PCSK6: variants seen among roughly 807,000 people sequenced by gnomAD.
The protein encoded by PCSK6 is proprotein convertase subtilisin/kexin type 6, also known as paired basic amino acid cleaving enzyme 4.
A neutral mutation model predicts 123.3 loss-of-function variants in PCSK6; 85 were observed. The ratio of observed to expected loss-of-function variants is 0.69; its 90% confidence interval spans 0.58 to 0.83. The LOEUF (loss-of-function observed/expected upper bound fraction) is 0.83, where lower values mean the gene tolerates loss of function less well. Among genes scored for constraint, PCSK6 ranks in the 40% least tolerant of loss-of-function variants. The pLI, the probability that PCSK6 is intolerant of heterozygous loss-of-function variation, is 0.00. For missense variants in PCSK6, 1,191 were observed against 1,282.3 expected (o/e 0.93, Z 1.09); for synonymous variants, 508 against 516.0 (o/e 0.98, Z 0.21).
At chr15:101,412,153 A>G (rs1408035499) in intron 6 of PCSK6, among the ~76,000 whole-genome samples, 1 of 152,206 alleles carries the variant, frequency 6.6e-6, no homozygotes, top group Non-Finnish European at 1.5e-5. Flanking sequence ...GACAATAATG[A>G]AATGGTACCC....
intron 1 of PCSK6, among the ~76,000 whole-genome samples, chr15:101,445,942 C>T (rs1439819210): frequency 6.6e-6 from 1 of 152,228 alleles, no homozygotes; most frequent in African/African-American, 2.4e-5. Flanking sequence ...AAGGCCAGTC[C>T]CAAAGCCATC....
At chr15:101,362,898 C>T (rs2041275698) in intron 13 of PCSK6, among the ~76,000 whole-genome samples, 1 of 152,226 alleles carries the variant, frequency 6.6e-6, no homozygotes, top group Admixed American at 6.5e-5. Context: ...ACCATAGACC[C>T]TGGCTTTAAC....
chr15:101,489,502 G>A lies in PCSK6; in HGVS notation c.169C>T (p.Leu57=), dbSNP rs1445381872. 3.8e-6 allele frequency: 4 copies of A among 1,054,220 alleles called. No individual in the cohort carries two copies. The highest frequency in any genetic ancestry group is 1.7e-5 in the African/African-American group (1 of 57,874). 65.3% of individuals were successfully genotyped at this position (1,054,220 alleles called of 1,614,324 possible). Residue 57 remains leucine, a synonymous_variant, in exon 1 of 22, where the codon CTG becomes TTG. Coordinates refer to ENST00000611716, the MANE Select transcript of PCSK6 (RefSeq NM_002570.5). ...RPWRWLLLLA[L]PAACSAPPPR... ...GGGGGCGCGGAGCAGGCGGCAGGCA[G>A]CGCCAGCAGCAGCAGCCAGCGCCAG...
At chr15:101,307,368 T>C in intron 20 of PCSK6, 43 bp from the exon 21 acceptor site, 1 of 1,436,020 alleles carries the variant, frequency 7.0e-7, no homozygotes, top group Non-Finnish European at 9.7e-7. Flanking sequence ...GGGAAGAGGC[T>C]CCACCACTCC....
chr15:101,443,635 T>C lies in PCSK6; in HGVS notation c.323A>G (p.His108Arg). 1 of 1,613,792 alleles carries C rather than the reference T, an allele frequency of 6.2e-7. No individual in the cohort carries two copies. Among genetic ancestry groups the C allele is most frequent in the East Asian group, 2.2e-5 (1 of 44,882 alleles). Residue 108 changes from histidine to arginine, a missense_variant, in exon 2 of 22, where the codon CAT becomes CGT. Transcript: ENST00000611716. ...GQIGNLEDYY[H>R]FYHSKTFKRS... ...TTTAAAGGTTTTGCTGTGATAAAAA[T>C]GGTAGTAATCTTCCAGGTTTCCAAT...
intron 13 of PCSK6, among the ~76,000 whole-genome samples, chr15:101,344,914 C>T (rs1259317559): frequency 2.0e-5 from 3 of 152,070 alleles, no homozygotes; most frequent in African/African-American, 7.2e-5. Flanking sequence ...CCTCAGCCTC[C>T]CAAATACATT....
chr15:101,392,491 T>G (rs1292194075), intron 8 of PCSK6, among the ~76,000 whole-genome samples: 1 of 152,100 alleles, frequency 6.6e-6, no homozygotes, highest in Non-Finnish European at 1.5e-5. Flanking sequence ...TTTAACCATG[T>G]CTGGCCAGCT....
At chr15:101,455,789 G>A (rs1457788385) in intron 1 of PCSK6, among the ~76,000 whole-genome samples, 1 of 152,228 alleles carries the variant, frequency 6.6e-6, no homozygotes, top group Non-Finnish European at 1.5e-5. Context: ...TAAAAATGAA[G>A]AAGCTACTGA....
intron 2 of PCSK6, among the ~76,000 whole-genome samples, chr15:101,439,019 T>C (rs1046269096): frequency 1.3e-5 from 2 of 152,140 alleles, no homozygotes; most frequent in Non-Finnish European, 2.9e-5. Context: ...TTTCAGAGGA[T>C]CCCTCAGGAG....
At chr15:101,324,551 C>A (rs1002398212) in intron 17 of PCSK6, among the ~76,000 whole-genome samples, 1 of 152,226 alleles carries the variant, frequency 6.6e-6, no homozygotes, top group Non-Finnish European at 1.5e-5. Flanking sequence ...CCTCTCTGCC[C>A]TTGCTCAGTA....
intron 13 of PCSK6, among the ~76,000 whole-genome samples, chr15:101,355,604 G>A (rs2041013616): frequency 6.6e-6 from 1 of 152,356 alleles, no homozygotes; most frequent in African/African-American, 2.4e-5. Flanking sequence ...ACCCGGCATG[G>A]GGCAGGTGTG....
intron 18 of PCSK6, among the ~76,000 whole-genome samples, chr15:101,319,396 AG>A (rs2040065359): frequency 6.6e-6 from 1 of 152,074 alleles, no homozygotes; most frequent in African/African-American, 2.4e-5. Flanking sequence ...ATATGTGAAG[AG>A]AAAAAGAAAA....
chr15:101,450,777 C>T (rs1325808752), intron 1 of PCSK6, among the ~76,000 whole-genome samples: 2 of 152,102 alleles, frequency 1.3e-5, no homozygotes, highest in Non-Finnish European at 2.9e-5. Flanking sequence ...TCTCAGTCCC[C>T]GTCCCAGGAC....
chr15:101,413,376 C>A (rs1407230428), intron 6 of PCSK6, among the ~76,000 whole-genome samples: 1 of 151,496 alleles, frequency 6.6e-6, no homozygotes, highest in Non-Finnish European at 1.5e-5. Context: ...AGGGTAGCCA[C>A]TAAAAAAGCT....
intron 6 of PCSK6, among the ~76,000 whole-genome samples, chr15:101,414,733 T>C (rs1350069592): frequency 6.6e-6 from 1 of 152,008 alleles, no homozygotes; most frequent in Non-Finnish European, 1.5e-5. Flanking sequence ...TAAAGACAGA[T>C]TGGTAGACAG....
intron 17 of PCSK6, among the ~76,000 whole-genome samples, chr15:101,322,903 G>A (rs999006695): frequency 2.0e-5 from 3 of 152,240 alleles, no homozygotes; most frequent in Non-Finnish European, 4.4e-5. Context: ...GCTGAGTAGA[G>A]TTTAACGAGG....
intron 6 of PCSK6, among the ~76,000 whole-genome samples, chr15:101,401,847 A>C (rs2042597105): frequency 6.6e-6 from 1 of 152,178 alleles, no homozygotes; most frequent in Non-Finnish European, 1.5e-5. Context: ...ATACTGCCCA[A>C]GGTAATTTAT....
chr15:101,322,842 T>C (rs1365225525), intron 17 of PCSK6, among the ~76,000 whole-genome samples: 1 of 152,202 alleles, frequency 6.6e-6, no homozygotes, highest in Non-Finnish European at 1.5e-5. Context: ...CCACCAGGCC[T>C]CTGAGGTGGT....
intron 6 of PCSK6, among the ~76,000 whole-genome samples, chr15:101,419,348 T>A (rs12903442): frequency 0.31 from 46,458 of 151,950 alleles, 7,435 homozygotes; most frequent in African/African-American, 0.4. Flanking sequence ...TCTAGATATA[T>A]ATCTAATAAG....
Sources: gnomAD v4.1 joint callset for allele counts (sites outside exome capture counted in the v4.1 genomes callset) on GRCh38, gnomAD v4.1.1 for gene constraint, MANE v1.5 for transcripts, NCBI Gene and HGNC (gene_info 2026-07-23, HGNC 2026-07-21) for gene names.